GDF5: variants seen among roughly 807,000 people sequenced by gnomAD.
GDF5 encodes the protein growth differentiation factor 5, also known as growth/differentiation factor 5.
GDF5 carries 17 observed loss-of-function variants against 34.6 expected under a neutral mutation model. The ratio of observed to expected loss-of-function variants is 0.49; its 90% CI spans 0.34 to 0.74. The LOEUF (loss-of-function observed/expected upper bound fraction) is 0.74, where lower values mean the gene tolerates loss of function less well. Ranked by LOEUF, GDF5 falls within the 30% of genes least tolerant of loss-of-function variation. GDF5 has a pLI of 0.01. For missense variants in GDF5, 616 were observed against 661.2 expected (o/e 0.93, Z 0.75); for synonymous variants, 332 against 290.7 (o/e 1.14, Z -1.44).
chr20:35,439,428 C>T (rs917824014), upstream of GDF5, among the ~76,000 whole-genome samples: 1 of 151,988 alleles, frequency 6.6e-6, no homozygotes, highest in Non-Finnish European at 1.5e-5. Context: ...GGGGTTTCAC[C>T]ATGTTAGCCA....
upstream of GDF5, chr20:35,441,319 C>G (rs796947465): frequency 2.0e-5 from 3 of 151,892 alleles, no homozygotes; most frequent in Admixed American, 1.3e-4. Flanking sequence ...TTTGGGAGGC[C>G]GAGGCAGGTG....
chr20:35,434,869 C>A, intron 1 of GDF5, 86 bp from the exon 2 acceptor site: 3 of 1,397,272 alleles, frequency 2.1e-6, no homozygotes, highest in Non-Finnish European at 2.0e-6. Context: ...CCCCAGCTCT[C>A]TCCCAGTCCA....
Position 35,434,057 on chromosome 20 carries a change from A to G in GDF5, c.1358T>C (p.Met453Thr). The change falls in exon 2 of 2, where the codon ATG becomes ACG. Residue 453 changes from methionine (M) to threonine (T), a missense_variant. Transcript: ENST00000374369. ...TGTGGACTCGGGGTCCATGGAGTTC[A>G]TCAGGGTCTGGATGACTGCATGATT... Reference protein sequence around the residue: ...PTNHAVIQTLMNSMDPESTPP... With the variant: ...PTNHAVIQTLTNSMDPESTPP... 6.2e-7 allele frequency: 1 copy of G among 1,614,130 alleles called. No homozygotes were observed. Among genetic ancestry groups the G allele is most frequent in the South Asian group, 1.1e-5 (1 of 91,078 alleles).
At chr20:35,452,967 C>T (rs756322445) in intron 1 of GDF5, among the ~76,000 whole-genome samples, 16 of 152,032 alleles carry the variant, frequency 1.1e-4, no homozygotes, top group Non-Finnish European at 2.1e-4. Context: ...AAACAGAAGA[C>T]GGCCGGGTGC....
At position 35,438,080 on chromosome 20, in the gene GDF5, G is replaced by T; in HGVS notation, c.-152C>A. On this transcript the variant is annotated 5_prime_UTR_variant, in exon 1 of 2. Coordinates refer to ENST00000374369, the MANE Select transcript of GDF5 (RefSeq NM_000557.5). ...AGGAAAGGCTTTCTCCTCAGTCTGA[G>T]ACTCTTGAAGTCTGCCGGGTGTGTG... The T allele has an allele frequency of 1.2e-6, 1 of 831,934 alleles. No individual in the cohort carries two copies. Among genetic ancestry groups the T allele is most frequent in the Non-Finnish European group, 2.0e-6 (1 of 509,806 alleles). 51.5% of individuals were successfully genotyped at this position (831,934 alleles called of 1,614,324 possible). A position where few individuals can be genotyped will look rare whatever the true frequency, so the allele number is the denominator to read the frequency against.
rs755107659 is a variant in GDF5 at position 35,434,142 on chromosome 20, C to T, written c.1273G>A (p.Glu425Lys). The T allele has an allele frequency of 6.2e-7, 1 of 1,614,154 alleles. No homozygotes were observed. The highest frequency in any genetic ancestry group is 1.1e-5 in the South Asian group (1 of 91,078). The change falls in exon 2 of 2, where the codon GAG becomes AAG. Residue 425 changes from glutamate to lysine, a missense_variant. Glu to Lys is a moderately conservative substitution (Grantham distance 56). Coordinates refer to ENST00000374369, the MANE Select transcript of GDF5 (RefSeq NM_000557.5). ...CACAGCCCCTCGCAGTGGAAAGCCT[C>T]GTACTCAAGGGGTGCGATGATCCAG... is the stretch of plus-strand genomic sequence containing the variant. ...DDWIIAPLEY[E>K]AFHCEGLCEF...
intron 1 of GDF5, among the ~76,000 whole-genome samples, chr20:35,450,956 C>T: frequency 6.6e-6 from 1 of 150,604 alleles, no homozygotes; most frequent in Non-Finnish European, 1.5e-5. Flanking sequence ...GAAATATCTC[C>T]ACACAAATTA....
upstream of GDF5, chr20:35,441,154 G>T (rs954930667): frequency 6.6e-6 from 1 of 152,216 alleles, no homozygotes; most frequent in South Asian, 2.1e-4. Context: ...GCTTGGTTCT[G>T]CTATTTATGT....
In GDF5 at chr20:35,435,164, C is replaced by G. The variant is rs1422580841; in HGVS notation, c.632-381G>C. 5.8e-6 allele frequency: 3 copies of G among 519,848 alleles called. No homozygotes were observed. The Admixed American group carries it at 1.0e-4, about 17-fold the overall frequency. The allele number at this position is 519,848 out of a possible 1,614,324, so 32.2% of individuals were successfully genotyped here. ...GGTGGAGTGAGCATTAAAATTACTCCTGTTGACTGGGCACAGTGGCTCACA... is the reference window on the plus strand; with the variant it reads ...GGTGGAGTGAGCATTAAAATTACTCGTGTTGACTGGGCACAGTGGCTCACA... On this transcript the variant is annotated intron_variant, in intron 1 of 1. Transcript: ENST00000374369.
intron 1 of GDF5, among the ~76,000 whole-genome samples, chr20:35,452,254 C>A (rs949705158): frequency 6.6e-6 from 1 of 150,966 alleles, no homozygotes; most frequent in Non-Finnish European, 1.5e-5. Flanking sequence ...AATACAATTT[C>A]CAACTTGTCC....
intron 1 of GDF5, among the ~76,000 whole-genome samples, chr20:35,443,493 G>C (rs927002653): frequency 1.2e-4 from 18 of 144,070 alleles, no homozygotes; most frequent in Non-Finnish European, 2.3e-4. Context: ...TATAAAGTCA[G>C]TTGGCCAGAT....
chr20:35,438,358 TCACA>T (rs3055779), upstream of GDF5: 584 of 160,010 alleles, frequency 3.6e-3, 4 homozygotes, highest in East Asian at 4.2e-3. Flanking sequence ...TGAAAATACT[TCACA>T]CACACACACA....
upstream of GDF5, chr20:35,441,284 T>C (rs2062496873): frequency 6.6e-6 from 1 of 152,208 alleles, no homozygotes; most frequent in South Asian, 2.1e-4. Flanking sequence ...CCAGGCGCAG[T>C]GGCTCACGCC....
upstream of GDF5, among the ~76,000 whole-genome samples, chr20:35,439,696 G>A (rs985996900): frequency 2.0e-5 from 3 of 151,992 alleles, no homozygotes; most frequent in Non-Finnish European, 4.4e-5. Context: ...AAAGCTGTTC[G>A]CTTCACCTGA....
chr20:35,454,470 T>A (rs927866626), intron 1 of GDF5, among the ~76,000 whole-genome samples: 106 of 151,066 alleles, frequency 7.0e-4, no homozygotes, highest in African/African-American at 2.3e-3. Flanking sequence ...AAAAAAAAAA[T>A]TTATACACAA....
chr20:35,438,824 C>CGCGTGTGTGTGTGT (rs1196886737), upstream of GDF5, among the ~76,000 whole-genome samples: 1 of 126,406 alleles, frequency 7.9e-6, no homozygotes, highest in East Asian at 2.6e-4. Flanking sequence ...ATTTGTTATG[C>CGCGTGTGTGTGTGT]GTGTGTGTGT....
In GDF5 at chr20:35,437,792, T is replaced by C. The variant is rs763690438; in HGVS notation, c.137A>G (p.Glu46Gly). ...GGCCAGGGGGGGCCTCTCCTTGGCC[T>C]CTGCTTTGGCCAATCCTGGCCTGGT... ...QGTRPGLAKA[E>G]AKERPPLARN... Residue 46 changes from glutamate (E) to glycine (G), a missense_variant, in exon 1 of 2, where the codon GAG becomes GGG. Glu to Gly is a moderately conservative substitution (Grantham distance 98, BLOSUM62 -2). Transcript: ENST00000374369. The C allele has an allele frequency of 2.5e-6, 4 of 1,613,288 alleles. No homozygotes were observed. In the African/African-American group the frequency reaches 5.3e-5, roughly 22 times the overall value.
chr20:35,451,188 T>G (rs2062532453), intron 1 of GDF5, among the ~76,000 whole-genome samples: 1 of 151,086 alleles, frequency 6.6e-6, no homozygotes, highest in South Asian at 2.1e-4. Context: ...GACGGCCTCT[T>G]GGCATGGGCT....
Position 35,434,386 on chromosome 20 carries a change from C to G in GDF5, c.1029G>C (p.Leu343=), listed in dbSNP as rs536732632. ...ARQVHEKALF[L]VFGRTKKRDL... ...CCCGTTTCTTGGTGCGGCCAAACACCAGGAACAGGGCTTTCTCGTGGACCT... is the reference window on the plus strand; with the variant it reads ...CCCGTTTCTTGGTGCGGCCAAACACGAGGAACAGGGCTTTCTCGTGGACCT... The change falls in exon 2 of 2, where the codon CTG becomes CTC. Residue 343 remains leucine, a synonymous_variant. Coordinates refer to ENST00000374369, the MANE Select transcript of GDF5 (RefSeq NM_000557.5). The G allele has an allele frequency of 1.8e-4, 287 of 1,613,746 alleles. No individual in the cohort carries two copies. The highest frequency in any genetic ancestry group is 8.8e-4 in the Admixed American group (53 of 60,028).
Sources: allele counts gnomAD v4.1 joint callset (sites outside exome capture counted in the v4.1 genomes callset), GRCh38; gene constraint gnomAD v4.1.1; transcripts MANE v1.5; gene names NCBI Gene and HGNC (gene_info 2026-07-23, HGNC 2026-07-21).